CAMK1D: variants seen among roughly 807,000 people sequenced by gnomAD.
The protein encoded by CAMK1D is calcium/calmodulin dependent protein kinase ID.
A neutral mutation model predicts 47.7 loss-of-function variants in CAMK1D; 9 were observed. The ratio of observed to expected loss-of-function variants is 0.19; its 90% CI spans 0.11 to 0.33. The LOEUF is 0.33. Among genes scored for constraint, CAMK1D ranks in the 10% least tolerant of loss-of-function variants. The pLI is 1.00. For synonymous variants in CAMK1D, 184 were observed against 184.9 expected, an observed-to-expected ratio of 0.99 and a Z score of 0.04; for missense variants, 291 against 488.7, an observed-to-expected ratio of 0.60 and a Z score of 3.81.
chr10:12,758,738 C>T (rs1319024966), intron 3 of CAMK1D, among the ~76,000 whole-genome samples: 1 of 152,104 alleles, frequency 6.6e-6, no homozygotes, highest in African/African-American at 2.4e-5. Flanking sequence ...TTGAGGGACG[C>T]AGGTTGGCCA....
intron 1 of CAMK1D, among the ~76,000 whole-genome samples, chr10:12,552,964 A>G (rs1836634329): frequency 2.0e-5 from 3 of 152,152 alleles, no homozygotes; most frequent in Non-Finnish European, 1.5e-5. Flanking sequence ...GCTGGTCTTA[A>G]ACTCCTGACC....
chr10:12,407,892 C>A (rs371834312), intron 1 of CAMK1D, among the ~76,000 whole-genome samples: 35 of 132,682 alleles, frequency 2.6e-4, no homozygotes, highest in African/African-American at 1.0e-3. Flanking sequence ...GACTCTCACT[C>A]TGTCACCCAG....
In CAMK1D at chr10:12,520,724, GGAGACC is replaced by G. The variant is rs1174207193; in HGVS notation, c.93-32500_93-32495del. On this transcript the variant is annotated intron_variant, in intron 1 of 10. Coordinates refer to ENST00000619168, the MANE Select transcript of CAMK1D (RefSeq NM_153498.4). ...GGCGGATCACTCGCGGTTAGGAGCT[GGAGACC>G]AGCCCGGCCAACACAGCAAAACCCA... 4.5e-4 allele frequency among the ~76,000 whole-genome samples: 19 copies of G among 41,904 alleles called. 1 individual carries two copies. Among genetic ancestry groups the G allele is most frequent in the African/African-American group, 1.7e-3 (18 of 10,354 alleles). The allele number at this position is 41,904 out of a possible 152,430, so 27.5% of individuals were successfully genotyped here.
chr10:12,567,369 C>T (rs138038156), intron 2 of CAMK1D, among the ~76,000 whole-genome samples: 4 of 152,228 alleles, frequency 2.6e-5, no homozygotes, highest in South Asian at 4.2e-4. Context: ...GACAACAGAG[C>T]GAGTCTGGGG....
chr10:12,723,908 A>T (rs1305317600), intron 3 of CAMK1D, among the ~76,000 whole-genome samples: 1 of 149,522 alleles, frequency 6.7e-6, no homozygotes, highest in Non-Finnish European at 1.5e-5. Context: ...ATCCCTCCCC[A>T]CTCCCCCTAC....
At chr10:12,549,009 C>T (rs1001230680) in intron 1 of CAMK1D, among the ~76,000 whole-genome samples, 6 of 152,168 alleles carry the variant, frequency 3.9e-5, no homozygotes, top group Non-Finnish European at 5.9e-5. Context: ...ACATGTGCCA[C>T]CACACGCTGC....
chr10:12,366,065 C>T (rs982736947), intron 1 of CAMK1D, among the ~76,000 whole-genome samples: 7 of 152,246 alleles, frequency 4.6e-5, no homozygotes, highest in Admixed American at 2.0e-4. Context: ...CAAAAAAACA[C>T]GTTTCCTTCT....
intron 5 of CAMK1D, among the ~76,000 whole-genome samples, chr10:12,772,708 A>C (rs1837098370): frequency 6.6e-6 from 1 of 152,150 alleles, no homozygotes; most frequent in Non-Finnish European, 1.5e-5. Context: ...AGTGGGAGCC[A>C]TTGGGTAATG....
chr10:12,611,404 C>G (rs1220702296), intron 2 of CAMK1D, among the ~76,000 whole-genome samples: 1 of 152,004 alleles, frequency 6.6e-6, no homozygotes, highest in Non-Finnish European at 1.5e-5. Flanking sequence ...CGCCTGGTTT[C>G]TTTGGTTTCT....
chr10:12,810,161 A>AAAAAAAAAAAAC (rs1832542023), intron 6 of CAMK1D, among the ~76,000 whole-genome samples: 1 of 150,780 alleles, frequency 6.6e-6, no homozygotes, highest in South Asian at 2.1e-4. Flanking sequence ...TAAAAAAAAA[A>AAAAAAAAAAAAC]AAAAAAAGGC....
intron 3 of CAMK1D, among the ~76,000 whole-genome samples, chr10:12,725,946 G>A (rs1834609499): frequency 6.6e-6 from 1 of 151,892 alleles, no homozygotes; most frequent in African/African-American, 2.4e-5. Flanking sequence ...TAGTATAGAC[G>A]GGGCTTCCTC....
intron 3 of CAMK1D, among the ~76,000 whole-genome samples, chr10:12,697,254 A>G (rs1053471832): frequency 1.3e-5 from 2 of 152,230 alleles, no homozygotes; most frequent in African/African-American, 2.4e-5. Context: ...GAATTTGTCT[A>G]TGGATTCTCT....
chr10:12,534,438 C>G (rs929259863), intron 1 of CAMK1D, among the ~76,000 whole-genome samples: 1 of 152,224 alleles, frequency 6.6e-6, no homozygotes, highest in African/African-American at 2.4e-5. Flanking sequence ...ACGATCTCGG[C>G]TCACTGCTAC....
intron 1 of CAMK1D, among the ~76,000 whole-genome samples, chr10:12,483,009 T>C (rs545149392): frequency 6.6e-6 from 1 of 152,086 alleles, no homozygotes; most frequent in African/African-American, 2.4e-5. Context: ...AGAGATAATA[T>C]GGTTAGAAAA....
At chr10:12,555,286 G>T (rs1588628033) in intron 2 of CAMK1D, among the ~76,000 whole-genome samples, 1 of 152,340 alleles carries the variant, frequency 6.6e-6, no homozygotes, top group Middle Eastern at 3.4e-3. Context: ...ACCCAGCACT[G>T]CTGAGAGGGC....
intron 1 of CAMK1D, among the ~76,000 whole-genome samples, chr10:12,477,249 C>G (rs1468119338): frequency 6.6e-6 from 1 of 152,132 alleles, no homozygotes; most frequent in African/African-American, 2.4e-5. Context: ...AACCCCGTCT[C>G]TACTAAAAAT....
intron 1 of CAMK1D, among the ~76,000 whole-genome samples, chr10:12,376,192 A>G (rs1838176478): frequency 6.6e-6 from 1 of 151,028 alleles, no homozygotes; most frequent in Non-Finnish European, 1.5e-5. Context: ...AAAAAAGAAT[A>G]AAAAGAATAA....
chr10:12,385,332 G>C (rs992031850), intron 1 of CAMK1D, among the ~76,000 whole-genome samples: 5 of 152,198 alleles, frequency 3.3e-5, no homozygotes, highest in African/African-American at 4.8e-5. Context: ...TGTAGCCAAA[G>C]AGCAGAAACA....
chr10:12,712,411 G>A (rs1311524047), intron 3 of CAMK1D, among the ~76,000 whole-genome samples: 1 of 152,226 alleles, frequency 6.6e-6, no homozygotes, highest in African/African-American at 2.4e-5. Flanking sequence ...GTCTTAGCTG[G>A]AATTGCTACA....
Sources: allele counts gnomAD v4.1 joint callset (sites outside exome capture counted in the v4.1 genomes callset), GRCh38; gene constraint gnomAD v4.1.1; transcripts MANE v1.5; gene names NCBI Gene and HGNC (gene_info 2026-07-23, HGNC 2026-07-21).